EPHA7: variants seen among roughly 807,000 people sequenced by gnomAD.
The protein encoded by EPHA7 is EPH receptor A7, also known as ephrin type-A receptor 7.
A neutral mutation model predicts 112.6 loss-of-function variants in EPHA7; 25 were observed. That is an observed-to-expected ratio of 0.22 (90% CI 0.16 to 0.31). The LOEUF (loss-of-function observed/expected upper bound fraction) is 0.31. EPHA7 is among the 10% of genes least tolerant of loss of function. EPHA7 has a pLI of 1.00. For synonymous variants in EPHA7, 437 were observed against 406.5 expected (o/e 1.07, Z -0.90); for missense variants, 962 against 1,212.6 (o/e 0.79, Z 3.07).
At chr6:93,325,081 G>A (rs62414245) in intron 5 of EPHA7, among the ~76,000 whole-genome samples, 2,445 of 151,312 alleles carry the variant, frequency 0.016, 41 homozygotes, top group Non-Finnish European at 0.022. Context: ...GAGAGTGGGT[G>A]TACAGACAGA....
chr6:93,394,971 T>A (rs1778095647), intron 3 of EPHA7, among the ~76,000 whole-genome samples: 1 of 151,876 alleles, frequency 6.6e-6, no homozygotes. Flanking sequence ...ATACTTAATA[T>A]TTTTTATGTA....
chr6:93,244,808 T>C (rs1374961599), intron 16 of EPHA7, among the ~76,000 whole-genome samples: 1 of 152,192 alleles, frequency 6.6e-6, no homozygotes, highest in East Asian at 1.9e-4. Flanking sequence ...TTCTAATGCA[T>C]TTCAGCATTG....
At chr6:93,405,811 GTGTATATATA>G (rs1436373777) in intron 3 of EPHA7, among the ~76,000 whole-genome samples, 830 of 58,860 alleles carry the variant, frequency 0.014, 10 homozygotes, top group African/African-American at 0.073. Flanking sequence ...GTGTGTGTGT[GTGTATATATA>G]TATATATATA....
At chr6:93,296,231 T>C (rs943739526) in intron 5 of EPHA7, among the ~76,000 whole-genome samples, 11 of 149,710 alleles carry the variant, frequency 7.3e-5, no homozygotes, top group African/African-American at 2.4e-4. Flanking sequence ...CAATATGGAG[T>C]TCCTAGAGAG....
intron 5 of EPHA7, among the ~76,000 whole-genome samples, chr6:93,342,469 A>C (rs369516164): frequency 5.5e-4 from 83 of 151,978 alleles, no homozygotes; most frequent in African/African-American, 2.0e-3. Flanking sequence ...ACCATAAAAA[A>C]TGACAAGTGA....
intron 5 of EPHA7, among the ~76,000 whole-genome samples, chr6:93,285,710 G>T (rs1389458020): frequency 6.6e-6 from 1 of 152,154 alleles, no homozygotes; most frequent in Non-Finnish European, 1.5e-5. Flanking sequence ...TTTGCTTGTT[G>T]TCTGCCTGTC....
intron 5 of EPHA7, among the ~76,000 whole-genome samples, chr6:93,280,349 T>C (rs941794399): frequency 1.4e-4 from 21 of 152,186 alleles, no homozygotes; most frequent in Non-Finnish European, 4.4e-5. Context: ...AATCTGCAAG[T>C]GATAACTTTA....
At position 93,371,849 on chromosome 6, in the gene EPHA7, C is replaced by A. The variant is rs143232577; in HGVS notation, c.833-13438G>T. 2.8e-4 allele frequency among the ~76,000 whole-genome samples: 43 copies of A among 152,142 alleles called. No homozygotes were observed. In the East Asian group the frequency reaches 8.3e-3, roughly 29 times the overall value. On this transcript the variant is annotated intron_variant, in intron 3 of 16. Transcript: ENST00000369303. ...TTTGAAAATGTCAATTTATACTAAC[C>A]AGAACACCAGAAATAAGGAAGGGAA...
rs1775988506 is a variant in EPHA7 at position 93,357,130 on chromosome 6, T to C, written c.989-78A>G. On this transcript the variant is annotated intron_variant, in intron 4 of 16. Coordinates refer to ENST00000369303, the MANE Select transcript of EPHA7 (RefSeq NM_004440.4). ...TACAAACAAAAAGAACAAAAGGATC[T>C]GTGTGGGGCATTAAGCTAGTGGCTC... The C allele has an allele frequency of 3.5e-6, 4 of 1,149,894 alleles. No homozygotes were observed. In the Admixed American group the frequency reaches 1.1e-4, roughly 31 times the overall value. 71.2% of individuals were successfully genotyped at this position (1,149,894 alleles called of 1,614,324 possible).
rs1190837641 is a variant in EPHA7 at position 93,308,093 on chromosome 6, AACTGGC to A, written c.1325-35677_1325-35672del. ...AAGCTAACAATAATCAGTCACCGAA[AACTGGC>A]ACTGTCCAAACAGAAAGCATATTCT... On this transcript the variant is annotated intron_variant, in intron 5 of 16. Transcript: ENST00000369303. 6.6e-5 allele frequency among the ~76,000 whole-genome samples: 10 copies of A among 152,160 alleles called. No individual in the cohort carries two copies. The East Asian group carries it at 1.7e-3, about 26-fold the overall frequency.
chr6:93,258,203 A>G lies in EPHA7; in HGVS notation c.2006T>C (p.Val669Ala), dbSNP rs766734179. ...TCTCCTTTGTTTTTCTGTGTAACCAACTTTCAGGGTTTTTATGGCTACTGC... is the reference window on the plus strand; with the variant it reads ...TCTCCTTTGTTTTTCTGTGTAACCAGCTTTCAGGGTTTTTATGGCTACTGC... ...DVAVAIKTLK[V>A]GYTEKQRRDF... Residue 669 changes from valine (V) to alanine (A), a missense_variant, in exon 11 of 17, where the codon GTT (valine) becomes GCT (alanine). Around this residue, in one of 3 missense-constraint regions of EPHA7, gnomAD observed 746 missense variants for 889.2 expected, o/e 0.84. Transcript: ENST00000369303. The G allele has an allele frequency of 1.2e-5, 20 of 1,613,180 alleles. No individual in the cohort carries two copies. The highest frequency in any genetic ancestry group is 5.0e-5 in the Admixed American group (3 of 59,906).
chr6:93,304,590 G>A (rs757431092), intron 5 of EPHA7, among the ~76,000 whole-genome samples: 8 of 151,972 alleles, frequency 5.3e-5, no homozygotes, highest in Non-Finnish European at 7.4e-5. Context: ...AAGTCAGTCC[G>A]GGAAATTAGA....
intron 5 of EPHA7, among the ~76,000 whole-genome samples, chr6:93,328,518 G>A (rs898091583): frequency 6.6e-6 from 1 of 151,374 alleles, no homozygotes; most frequent in Non-Finnish European, 1.5e-5. Flanking sequence ...AAATGTTTTG[G>A]CATGATGGAA....
In EPHA7 at chr6:93,297,328, T is replaced by A. The variant is rs147668386; in HGVS notation, c.1325-24906A>T. On this transcript the variant is annotated intron_variant, in intron 5 of 16. Transcript: ENST00000369303. ...ACTACAGTGTAGACTCTACATGAACTAGGCATAGCTTATTTTTCTTTCTGA... is the reference window on the plus strand; with the variant it reads ...ACTACAGTGTAGACTCTACATGAACAAGGCATAGCTTATTTTTCTTTCTGA... Among the ~76,000 whole-genome samples the A allele has an allele frequency of 8.7e-3, 1,329 of 152,148 alleles. 15 individuals carry two copies. Among genetic ancestry groups the A allele is most frequent in the Non-Finnish European group, 0.015 (997 of 67,938 alleles).
chr6:93,258,322 A>G (rs1770534188), intron 10 of EPHA7, 38 bp from the exon 11 acceptor site: 2 of 1,502,004 alleles, frequency 1.3e-6, no homozygotes, highest in Middle Eastern at 1.8e-4. Flanking sequence ...TTTAGTTTCT[A>G]AATATTGTAA....
At chr6:93,355,960 G>A (rs114169875) in intron 5 of EPHA7, among the ~76,000 whole-genome samples, 7,084 of 152,106 alleles carry the variant, frequency 0.047, 252 homozygotes, top group South Asian at 0.084. Context: ...ATGCAGACTC[G>A]TCATGTATTA....
At chr6:93,348,430 C>T (rs1002498018) in intron 5 of EPHA7, among the ~76,000 whole-genome samples, 10 of 151,750 alleles carry the variant, frequency 6.6e-5, no homozygotes, top group Admixed American at 5.3e-4. Flanking sequence ...CTCTGTGCTT[C>T]TACATATTCA....
chr6:93,274,657 TA>T (rs1395610527), intron 5 of EPHA7, among the ~76,000 whole-genome samples: 6 of 151,888 alleles, frequency 4.0e-5, no homozygotes, highest in African/African-American at 1.4e-4. Context: ...TTGCTGATAC[TA>T]TATCAAGTCA....
chr6:93,359,470 A>T (rs554273389), intron 3 of EPHA7, among the ~76,000 whole-genome samples: 1 of 151,826 alleles, frequency 6.6e-6, no homozygotes, highest in Non-Finnish European at 1.5e-5. Context: ...AAAGAAAATC[A>T]TATCTGTAAA....
Sources: allele counts gnomAD v4.1 joint callset (sites outside exome capture counted in the v4.1 genomes callset), GRCh38; gene constraint gnomAD v4.1.1; regional missense constraint gnomAD v4.1.1; transcripts MANE v1.5; gene names NCBI Gene and HGNC (gene_info 2026-07-23, HGNC 2026-07-21).